The following STAC variants were observed in gnomAD, a reference collection of about 807,000 sequenced individuals.
The protein encoded by STAC is SH3 and cysteine rich domain.
STAC carries 43 observed loss-of-function variants against 48.8 expected under a neutral mutation model. The ratio of observed to expected loss-of-function variants is 0.88; its 90% CI spans 0.69 to 1.14. The LOEUF (loss-of-function observed/expected upper bound fraction) is 1.14, where lower values mean the gene tolerates loss of function less well. STAC is among the 50% of genes most tolerant of loss of function. STAC has a pLI of 0.00. For missense variants in STAC, 497 were observed against 504.0 expected (o/e 0.99, Z 0.13); for synonymous variants, 193 against 179.5 (o/e 1.07, Z -0.60).
intron 1 of STAC, among the ~76,000 whole-genome samples, chr3:36,396,298 G>A (rs949273408): frequency 6.6e-6 from 1 of 151,618 alleles, no homozygotes; most frequent in African/African-American, 2.4e-5. Context: ...TTTTCTACTA[G>A]TTTCATTAAA....
intron 10 of STAC, among the ~76,000 whole-genome samples, chr3:36,539,649 T>A (rs1319329511): frequency 6.6e-6 from 1 of 152,144 alleles, no homozygotes; most frequent in Non-Finnish European, 1.5e-5. Context: ...GTTGAATCTA[T>A]GCCTTTGCTA....
intron 1 of STAC, among the ~76,000 whole-genome samples, chr3:36,410,440 T>C (rs1700170774): frequency 6.6e-6 from 1 of 152,192 alleles, no homozygotes; most frequent in Non-Finnish European, 1.5e-5. Flanking sequence ...GCCTACGTTT[T>C]CCATTCAACA....
At chr3:36,439,884 G>C (rs1244167973) in intron 1 of STAC, among the ~76,000 whole-genome samples, 1 of 152,142 alleles carries the variant, frequency 6.6e-6, no homozygotes, top group South Asian at 2.1e-4. Flanking sequence ...TATCCATCAA[G>C]ATACACTAGC....
At chr3:36,528,341 T>A (rs963827232) in intron 8 of STAC, among the ~76,000 whole-genome samples, 1 of 152,008 alleles carries the variant, frequency 6.6e-6, no homozygotes, top group Non-Finnish European at 1.5e-5. Flanking sequence ...TGGTGGCAGA[T>A]GCCTGTAATC....
intron 1 of STAC, among the ~76,000 whole-genome samples, chr3:36,426,040 A>AAAAACAAAAC (rs371899613): frequency 7.2e-5 from 11 of 151,894 alleles, no homozygotes; most frequent in Non-Finnish European, 1.2e-4. Context: ...TCAAAAAACA[A>AAAAACAAAAC]AAAACAAAAC....
intron 1 of STAC, among the ~76,000 whole-genome samples, chr3:36,417,737 T>C (rs777767595): frequency 1.3e-5 from 2 of 152,192 alleles, no homozygotes; most frequent in African/African-American, 2.4e-5. Context: ...AAAGATGAAT[T>C]GGATCTATGC....
chr3:36,504,300 T>C, intron 6 of STAC, 93 bp from the exon 7 acceptor site: 1 of 1,174,110 alleles, frequency 8.5e-7, no homozygotes, highest in East Asian at 2.5e-5. Context: ...GTAGAAGCTA[T>C]GGTACTTAGA....
At chr3:36,453,994 G>A (rs1696772899) in intron 2 of STAC, among the ~76,000 whole-genome samples, 1 of 152,064 alleles carries the variant, frequency 6.6e-6, no homozygotes, top group Non-Finnish European at 1.5e-5. Context: ...GTGGGGACGT[G>A]GAGAACCTTT....
At chr3:36,488,132 T>C (rs1292883011) in intron 5 of STAC, among the ~76,000 whole-genome samples, 1 of 152,172 alleles carries the variant, frequency 6.6e-6, no homozygotes, top group Admixed American at 6.5e-5. Flanking sequence ...GGGGTCTTGC[T>C]CTATTGCCCA....
intron 10 of STAC, 46 bp downstream of exon 10, chr3:36,529,031 T>C: frequency 6.5e-7 from 1 of 1,530,002 alleles, no homozygotes; most frequent in East Asian, 2.3e-5. Context: ...CCAAATAGGG[T>C]GTCATTTTAA....
chr3:36,407,496 C>T (rs1171046277), intron 1 of STAC, among the ~76,000 whole-genome samples: 1 of 152,174 alleles, frequency 6.6e-6, no homozygotes, highest in Non-Finnish European at 1.5e-5. Context: ...ATTTCATTAG[C>T]AGGTAGAGCC....
intron 8 of STAC, among the ~76,000 whole-genome samples, chr3:36,522,508 T>C (rs928236678): frequency 6.6e-6 from 1 of 152,212 alleles, no homozygotes; most frequent in Non-Finnish European, 1.5e-5. Flanking sequence ...ATTTTTTTGA[T>C]TTTTGTATCC....
At chr3:36,507,560 G>A (rs566293537) in intron 8 of STAC, among the ~76,000 whole-genome samples, 4 of 152,064 alleles carry the variant, frequency 2.6e-5, no homozygotes, top group Admixed American at 2.6e-4. Flanking sequence ...GCTTTTTTTG[G>A]TTGATAGCCC....
At chr3:36,452,828 CAG>C (rs908358916) in intron 2 of STAC, among the ~76,000 whole-genome samples, 5 of 152,152 alleles carry the variant, frequency 3.3e-5, no homozygotes, top group Non-Finnish European at 5.9e-5. Context: ...TAGAAAGTGG[CAG>C]AAAGGAGGAG....
intron 10 of STAC, among the ~76,000 whole-genome samples, chr3:36,544,885 T>C (rs1451584278): frequency 6.6e-6 from 1 of 152,202 alleles, no homozygotes; most frequent in Non-Finnish European, 1.5e-5. Flanking sequence ...TGTCTGAGCC[T>C]CTATCTAGTC....
intron 1 of STAC, among the ~76,000 whole-genome samples, chr3:36,403,529 T>C (rs1160070836): frequency 1.3e-5 from 2 of 151,252 alleles, no homozygotes; most frequent in Non-Finnish European, 2.9e-5. Context: ...TATGTTCAAA[T>C]TGAAAGGACT....
intron 1 of STAC, among the ~76,000 whole-genome samples, chr3:36,381,538 G>A (rs548053327): frequency 2.3e-4 from 35 of 152,356 alleles, no homozygotes; most frequent in African/African-American, 8.4e-4. Flanking sequence ...TAGTTATGTG[G>A]ATTCTTTTAA....
At chr3:36,448,139 T>C (rs1321525705) in intron 2 of STAC, among the ~76,000 whole-genome samples, 1 of 151,284 alleles carries the variant, frequency 6.6e-6, no homozygotes, top group African/African-American at 2.4e-5. Context: ...GAAAGAATCC[T>C]ACTAATTATG....
At chr3:36,451,782 T>C (rs796992425) in intron 2 of STAC, among the ~76,000 whole-genome samples, 3 of 152,362 alleles carry the variant, frequency 2.0e-5, no homozygotes, top group African/African-American at 7.2e-5. Context: ...CTCTTCTAGC[T>C]GTACTTAACT....
Sources: allele counts gnomAD v4.1 joint callset (sites outside exome capture counted in the v4.1 genomes callset), GRCh38; gene constraint gnomAD v4.1.1; transcripts MANE v1.5; gene names NCBI Gene and HGNC (gene_info 2026-07-23, HGNC 2026-07-21).